The following IL17RB variants were observed in gnomAD, a reference collection of about 807,000 sequenced individuals.
IL17RB encodes interleukin 17 receptor B, also known as interleukin-17 receptor B.
IL17RB carries 36 observed loss-of-function variants against 43.9 expected under a neutral mutation model. The observed-to-expected ratio is 0.82, with a 90% CI of 0.63 to 1.08. IL17RB has a LOEUF of 1.08. Ranked by LOEUF, IL17RB falls within the 50% of genes least tolerant of loss-of-function variation. The pLI, the probability that IL17RB is intolerant of heterozygous loss-of-function variation, is 0.00. For synonymous variants in IL17RB, 225 were observed against 225.4 expected (o/e 1.00, Z 0.02); for missense variants, 613 against 613.6 (o/e 1.00, Z 0.01).
intron 8 of IL17RB, chr3:53,858,387 A>G (rs1699427843): frequency 1.5e-5 from 16 of 1,084,484 alleles, no homozygotes; most frequent in Non-Finnish European, 1.8e-5. Context: ...AAGGAAGCCA[A>G]GAGGATCACT....
rs191459061 is a variant in IL17RB, at chr3:53,857,002, G to A, written c.672+16G>A. 6,111 of 1,612,968 alleles carry A rather than the reference G, an allele frequency of 3.8e-3. 54 individuals carry two copies. Among genetic ancestry groups the A allele is most frequent in the Non-Finnish European group, 3.0e-3 (3,547 of 1,179,732 alleles). ...GGTGTTTGAGGTACTTTTTCTCTTC[G>A]TCCCCTTCACCTCGTCCTCCAGCTT... On this transcript the variant is annotated intron_variant, in intron 7 of 10. Transcript: ENST00000288167.
At position 53,864,975 on chromosome 3, in the gene IL17RB, C is replaced by T. The variant is rs577437282; in HGVS notation, c.1176C>T (p.Val392=). ...LATQKKAADK[V]VFLLSNDVNS... is the part of the protein sequence containing the mutation. The stretch of plus-strand genomic sequence containing the variant: ...CTCAAAAGAAGGCAGCAGACAAAGT[C>T]GTCTTCCTTCTTTCCAATGACGTCA... Residue 392 remains valine (V), a synonymous_variant, in exon 11 of 11, where the codon GTC becomes GTT. Transcript: ENST00000288167. 1.5e-4 allele frequency: 244 copies of T among 1,614,138 alleles called. No homozygotes were observed. The South Asian group carries it at 2.4e-3, about 16-fold the overall frequency.
intron 10 of IL17RB, 134 bp from the exon 11 acceptor site, chr3:53,864,612 C>T (rs1699712298): frequency 4.3e-6 from 3 of 691,366 alleles, no homozygotes; most frequent in East Asian, 2.5e-5. Context: ...GATGTTTTTC[C>T]TTGCTGTCAC....
intron 10 of IL17RB, among the ~76,000 whole-genome samples, chr3:53,863,591 G>C (rs1488642052): frequency 6.6e-6 from 1 of 152,140 alleles, no homozygotes; most frequent in Non-Finnish European, 1.5e-5. Context: ...TTTCAAACAT[G>C]GTTTGTTTTA....
At chr3:53,852,838 T>C in intron 4 of IL17RB, 33 bp from the exon 5 acceptor site, 1 of 1,609,214 alleles carries the variant, frequency 6.2e-7, no homozygotes, top group Non-Finnish European at 8.5e-7. Flanking sequence ...TGCAGTGTTT[T>C]GGGAATTGAG....
chr3:53,857,598 G>A lies in IL17RB; in HGVS notation c.673-18G>A, dbSNP rs1454554078. 12 of 1,608,420 alleles carry A rather than the reference G, an allele frequency of 7.5e-6. No homozygotes were observed. The highest frequency in any genetic ancestry group is 6.8e-6 in the Non-Finnish European group (8 of 1,174,976). ...GTGCACCTGGCACCTCATAATTCTT[G>A]ACTCTCTCTCTCTTAAGCCACACCA... On this transcript the variant is annotated intron_variant, in intron 7 of 10. Transcript: ENST00000288167.
intron 4 of IL17RB, 106 bp from the exon 5 acceptor site, chr3:53,852,765 C>A: frequency 1.8e-6 from 2 of 1,088,248 alleles, no homozygotes; most frequent in Non-Finnish European, 1.3e-6. Context: ...CCTAAGTTTT[C>A]ACAGAGTGAG....
intron 5 of IL17RB, 36 bp from the exon 6 acceptor site, chr3:53,855,258 T>C (rs1699290786): frequency 2.0e-6 from 3 of 1,501,650 alleles, no homozygotes; most frequent in Admixed American, 1.7e-5. Context: ...GAGATACCTT[T>C]TTCTAAAATG....
At chr3:53,846,736 C>T in intron 1 of IL17RB, 88 bp downstream of exon 1, 12 of 1,373,068 alleles carry the variant, frequency 8.7e-6, no homozygotes, top group Non-Finnish European at 1.2e-5. Context: ...CAGGCTGCCC[C>T]GAAGGCGTGC....
intron 2 of IL17RB, 73 bp downstream of exon 2, chr3:53,848,761 T>C: frequency 6.8e-7 from 1 of 1,461,002 alleles, no homozygotes; most frequent in South Asian, 1.1e-5. Flanking sequence ...AAGCCTAATA[T>C]AGGCAATAGG....
At chr3:53,857,760 A>G in intron 8 of IL17RB, 70 bp downstream of exon 8, 1 of 1,352,476 alleles carries the variant, frequency 7.4e-7, no homozygotes, top group Non-Finnish European at 1.1e-6. Context: ...ATTGCTTTTA[A>G]GGATGAGTTC....
In IL17RB at chr3:53,865,198, C is replaced by T. The variant is rs771621947; in HGVS notation, c.1399C>T (p.His467Tyr). Residue 467 changes from histidine to tyrosine, a missense_variant, in exon 11 of 11, where the codon CAC becomes TAC. Coordinates refer to ENST00000288167, the MANE Select transcript of IL17RB (RefSeq NM_018725.4). ...TGCTCTCAGTGTCTGCCCCAAGTAC[C>T]ACCTCATGAAGGATGCCACTGCTTT... The part of the protein sequence containing the change: ...YNALSVCPKY[H>Y]LMKDATAFCA... 16 of 1,614,054 alleles carry T rather than the reference C, an allele frequency of 9.9e-6. No individual in the cohort carries two copies. The highest frequency in any genetic ancestry group is 1.2e-5 in the Non-Finnish European group (14 of 1,179,996).
intron 2 of IL17RB, 147 bp downstream of exon 2, chr3:53,848,835 C>T (rs1699031353): frequency 1.1e-6 from 1 of 887,498 alleles, no homozygotes; most frequent in Non-Finnish European, 1.9e-6. Flanking sequence ...AAGTCTCTGT[C>T]TGCTCGAAGC....
chr3:53,863,381 G>A (rs1699639761), intron 10 of IL17RB, among the ~76,000 whole-genome samples: 1 of 151,490 alleles, frequency 6.6e-6, no homozygotes, highest in African/African-American at 2.4e-5. Flanking sequence ...TACATACTCA[G>A]CTCAAGGCAG....
rs1416554197 is a variant in IL17RB at position 53,864,751 on chromosome 3, ATCAAGAAGACTTCCTTT to A, written c.955_971del (p.Lys319TyrfsTer9). ...ATGCTTTTCTCCTCTCACAGAAAGG[ATCAAGAAGACTTCCTTT>A]TCTACCACCACACTACTGCCCCCCA... On this transcript the variant is annotated frameshift_variant, in exon 11 of 11. Transcript: ENST00000288167. LOFTEE classifies it low-confidence loss of function (END_TRUNC). 3 of 1,604,926 alleles carry A rather than the reference ATCAAGAAGACTTCCTTT, an allele frequency of 1.9e-6. No homozygotes were observed. The South Asian group carries it at 3.3e-5, about 18-fold the overall frequency.
chr3:53,855,268 G>A (rs758265650), intron 5 of IL17RB, 26 bp from the exon 6 acceptor site: 2 of 1,562,846 alleles, frequency 1.3e-6, no homozygotes, highest in East Asian at 4.5e-5. Context: ...TTTCTAAAAT[G>A]TAAAAACTTT....
At chr3:53,859,385 A>G (rs1699472815) in intron 9 of IL17RB, 1 of 152,494 alleles carries the variant, frequency 6.6e-6, no homozygotes, top group Admixed American at 6.5e-5. Context: ...GGTGGGGTCA[A>G]AAGTTGGAAG....
chr3:53,857,079 C>A (rs1699364058), intron 7 of IL17RB, 93 bp downstream of exon 7: 3 of 1,329,392 alleles, frequency 2.3e-6, no homozygotes, highest in Non-Finnish European at 3.2e-6. Flanking sequence ...ACGTGCTGGG[C>A]TACTTTGATG....
At chr3:53,849,194 G>A (rs1320243679) in intron 2 of IL17RB, among the ~76,000 whole-genome samples, 1 of 152,188 alleles carries the variant, frequency 6.6e-6, no homozygotes, top group African/African-American at 2.4e-5. Flanking sequence ...GCCTGAGGAA[G>A]GCAGGCCTGA....
Sources: gnomAD v4.1 joint callset for allele counts (sites outside exome capture counted in the v4.1 genomes callset) on GRCh38, gnomAD v4.1.1 for gene constraint, MANE v1.5 for transcripts, NCBI Gene and HGNC (gene_info 2026-07-23, HGNC 2026-07-21) for gene names.